ARHGAP6: variants seen among roughly 807,000 people sequenced by gnomAD.
ARHGAP6 encodes rho GTPase-activating protein 6.
Under a neutral mutation model 55.7 loss-of-function variants are expected in ARHGAP6, and 16 were observed. That is an observed-to-expected ratio of 0.29 (90% CI 0.19 to 0.44). ARHGAP6 has a LOEUF of 0.44. Among genes scored for constraint, ARHGAP6 ranks in the 20% least tolerant of loss-of-function variants. ARHGAP6 has a pLI of 1.00. For synonymous variants in ARHGAP6, 382 were observed against 360.9 expected (o/e 1.06, Z -0.66); for missense variants, 698 against 808.9 (o/e 0.86, Z 1.66).
intron 10 of ARHGAP6, among the ~76,000 whole-genome samples, chrX:11,144,793 A>G (rs1319510388): frequency 1.8e-5 from 2 of 112,410 alleles, no homozygotes. Context: ...TGTGATAAAG[A>G]TGTTGATGCC....
chrX:11,535,207 C>T (rs961433257), intron 1 of ARHGAP6, among the ~76,000 whole-genome samples: 1 of 111,715 alleles, frequency 9.0e-6, no homozygotes, highest in African/African-American at 3.2e-5. Flanking sequence ...ATTTAGCCAC[C>T]CTGCTTCCCA....
chrX:11,259,841 C>T (rs763769986), intron 1 of ARHGAP6, among the ~76,000 whole-genome samples: 2 of 111,221 alleles, frequency 1.8e-5, no homozygotes, highest in East Asian at 2.8e-4. Context: ...TACAGTAAGG[C>T]GTAATCAGGT....
intron 1 of ARHGAP6, among the ~76,000 whole-genome samples, chrX:11,628,263 T>C (rs2052321051): frequency 8.9e-6 from 1 of 112,265 alleles, no homozygotes; most frequent in African/African-American, 3.2e-5. Flanking sequence ...TGTGCTGTCA[T>C]GGCTAAGCTT....
chrX:11,341,706 G>C (rs377248152), intron 1 of ARHGAP6, among the ~76,000 whole-genome samples: 1 of 111,906 alleles, frequency 8.9e-6, no homozygotes, highest in East Asian at 2.8e-4. Context: ...TTTCACAGCT[G>C]AACAATGTTT....
intron 1 of ARHGAP6, among the ~76,000 whole-genome samples, chrX:11,647,989 G>T (rs1018607984): frequency 2.7e-5 from 3 of 112,063 alleles, no homozygotes; most frequent in Non-Finnish European, 5.6e-5. Context: ...GCAGGAAAAG[G>T]ATATTAGCGG....
At chrX:11,661,026 G>C (rs1046200825) in intron 1 of ARHGAP6, among the ~76,000 whole-genome samples, 6 of 111,724 alleles carry the variant, frequency 5.4e-5, no homozygotes, top group African/African-American at 2.0e-4. Context: ...ACAGAAATGC[G>C]TATGCTCAAG....
At chrX:11,403,884 C>T (rs2049579849) in intron 1 of ARHGAP6, among the ~76,000 whole-genome samples, 1 of 112,370 alleles carries the variant, frequency 8.9e-6, no homozygotes, top group African/African-American at 3.2e-5. Context: ...ACTTAAACCA[C>T]GTTAAAGCAG....
At chrX:11,484,791 T>C (rs917362738) in intron 1 of ARHGAP6, among the ~76,000 whole-genome samples, 6 of 111,936 alleles carry the variant, frequency 5.4e-5, no homozygotes, top group African/African-American at 1.9e-4. Flanking sequence ...TAGTTTGCAA[T>C]ATTACATTTA....
At chrX:11,422,563 A>G (rs1314401937) in intron 1 of ARHGAP6, among the ~76,000 whole-genome samples, 2 of 112,249 alleles carry the variant, frequency 1.8e-5, no homozygotes, top group Admixed American at 1.9e-4. Flanking sequence ...CCATAGGGAC[A>G]GCCAACCACT....
intron 1 of ARHGAP6, among the ~76,000 whole-genome samples, chrX:11,497,290 T>C (rs1374948254): frequency 8.9e-6 from 1 of 112,259 alleles, no homozygotes; most frequent in African/African-American, 3.2e-5. Flanking sequence ...AGTTTATTCA[T>C]AGTCTTACAT....
chrX:11,619,406 T>G (rs912881319), intron 1 of ARHGAP6, among the ~76,000 whole-genome samples: 1 of 112,203 alleles, frequency 8.9e-6, no homozygotes, highest in East Asian at 2.8e-4. Context: ...TAACCATTAA[T>G]GTGGGTTTGT....
At chrX:11,166,121 A>G (rs1602759881) in intron 9 of ARHGAP6, among the ~76,000 whole-genome samples, 1 of 111,804 alleles carries the variant, frequency 8.9e-6, no homozygotes, top group South Asian at 3.8e-4. Context: ...GTATTACAGG[A>G]CGAAGCCAGG....
intron 1 of ARHGAP6, among the ~76,000 whole-genome samples, chrX:11,398,976 A>T (rs1330077340): frequency 8.9e-6 from 1 of 112,113 alleles, no homozygotes; most frequent in Non-Finnish European, 1.9e-5. Flanking sequence ...GTGATGATTC[A>T]CTGTTTCAAA....
At chrX:11,184,037 C>T (rs2046354224) in intron 5 of ARHGAP6, among the ~76,000 whole-genome samples, 1 of 111,807 alleles carries the variant, frequency 8.9e-6, no homozygotes, top group African/African-American at 3.3e-5. Context: ...ATGAAGAGAA[C>T]TGTCTGAGAA....
chrX:11,642,657 T>C (rs1320456251), intron 1 of ARHGAP6, among the ~76,000 whole-genome samples: 3 of 111,989 alleles, frequency 2.7e-5, no homozygotes, highest in Admixed American at 9.5e-5. Flanking sequence ...TGGATGAATC[T>C]TGAAAACATT....
intron 1 of ARHGAP6, among the ~76,000 whole-genome samples, chrX:11,483,390 A>G (rs764381477): frequency 8.9e-6 from 1 of 112,121 alleles, no homozygotes; most frequent in East Asian, 2.8e-4. Context: ...GGATATAAAG[A>G]GAAGTCCACT....
At chrX:11,518,331 G>C (rs900570821) in intron 1 of ARHGAP6, among the ~76,000 whole-genome samples, 1 of 110,392 alleles carries the variant, frequency 9.1e-6, no homozygotes, top group African/African-American at 3.3e-5. Context: ...TTTTCGTAGA[G>C]ATGGGGTCTT....
intron 1 of ARHGAP6, among the ~76,000 whole-genome samples, chrX:11,462,877 C>G (rs2050258346): frequency 8.9e-6 from 1 of 112,710 alleles, no homozygotes; most frequent in Admixed American, 9.4e-5. Flanking sequence ...GGCGTTTCCA[C>G]TAACTGCATG....
At chrX:11,239,444 T>A (rs1317667904) in intron 2 of ARHGAP6, among the ~76,000 whole-genome samples, 1 of 110,585 alleles carries the variant, frequency 9.0e-6, no homozygotes, top group Non-Finnish European at 1.9e-5. Context: ...TGAAATAATC[T>A]CCTATTTGCA....
Sources: allele counts gnomAD v4.1 joint callset (sites outside exome capture counted in the v4.1 genomes callset), GRCh38; gene constraint gnomAD v4.1.1; transcripts MANE v1.5; gene names NCBI Gene and HGNC (gene_info 2026-07-23, HGNC 2026-07-21).